ACOT1: variants seen among roughly 807,000 people sequenced by gnomAD.
The protein encoded by ACOT1 is acyl-coenzyme A thioesterase 1.
ACOT1 carries 8 observed loss-of-function variants against 15.7 expected under a neutral mutation model. The ratio of observed to expected loss-of-function variants is 0.51; its 90% confidence interval spans 0.30 to 0.92. ACOT1 has a LOEUF of 0.92. ACOT1 is among the 40% of genes least tolerant of loss of function. The probability of loss-of-function intolerance (pLI) is 0.06; values close to 1 mark genes in which losing one functional copy is unlikely to be tolerated. For synonymous variants in ACOT1, 67 were observed against 241.2 expected, an observed-to-expected ratio of 0.28 and a Z score of 6.69; for missense variants, 151 against 539.4, an observed-to-expected ratio of 0.28 and a Z score of 7.13.
At chr14:73,511,596 T>C in the ACOT1 span, among the ~76,000 whole-genome samples, 4 of 151,032 alleles carry the variant, frequency 2.6e-5, no homozygotes, top group Non-Finnish European at 5.9e-5. Flanking sequence ...GGCTCTTGGC[T>C]GGGCACAGTG....
the ACOT1 span, chr14:73,503,036 G>A: frequency 2.0e-6 from 3 of 1,517,632 alleles, no homozygotes; most frequent in East Asian, 2.2e-5. Context: ...ATGATCATTA[G>A]GTATCATCAC....
the ACOT1 span, chr14:73,499,230 C>T: frequency 3.2e-5 from 37 of 1,161,488 alleles, no homozygotes; most frequent in Non-Finnish European, 4.7e-5. Context: ...CCTGTAATCC[C>T]AGCATTTTGG....
chr14:73,492,083 C>G, the ACOT1 span: 1 of 1,613,960 alleles, frequency 6.2e-7, no homozygotes, highest in Middle Eastern at 1.6e-4. This position sits in a 1 kb window ranked among gnomAD's most constrained non-coding sequence, Gnocchi z 4.9. Context: ...AGGTAGGAAA[C>G]TCTGGCGTGT....
chr14:73,542,538 G>A lies in ACOT1; in HGVS notation c.661-512G>A, dbSNP rs1462166498. 1.9e-5 allele frequency among the ~76,000 whole-genome samples: 2 copies of A among 105,248 alleles called. 1 individual carries two copies. The highest frequency in any genetic ancestry group is 6.5e-5 in the African/African-American group (2 of 30,738). The allele number at this position is 105,248 out of a possible 152,430, so 69.0% of individuals were successfully genotyped here. On this transcript the variant is annotated intron_variant, in intron 2 of 2. Transcript: ENST00000311148. ...TCCTGCCTCGGCCTCCTGAGTAGCT[G>A]GGACTACAGGCGCATGCCACTTCTG...
chr14:73,531,565 C>T, the ACOT1 span, among the ~76,000 whole-genome samples: 10 of 108,420 alleles, frequency 9.2e-5, 3 homozygotes, highest in East Asian at 7.8e-4. Flanking sequence ...CACACCACCA[C>T]GCCCCACTAA....
chr14:73,491,571 T>C, the ACOT1 span: 1 of 1,541,900 alleles, frequency 6.5e-7, no homozygotes, highest in Non-Finnish European at 8.7e-7. Context: ...GACTCCCCGC[T>C]GCGGCGCGTC....
the ACOT1 span, chr14:73,518,942 G>T: frequency 7.1e-7 from 1 of 1,409,484 alleles, no homozygotes; most frequent in Non-Finnish European, 9.7e-7. Context: ...GGGAGCTCTA[G>T]CACATGAATA....
chr14:73,505,177 A>C, the ACOT1 span, among the ~76,000 whole-genome samples: 1 of 152,094 alleles, frequency 6.6e-6, no homozygotes, highest in Admixed American at 6.6e-5. Context: ...TCAGCCTCCC[A>C]AGGTGCTGGG....
At chr14:73,492,995 C>G in the ACOT1 span, 1 of 1,516,088 alleles carries the variant, frequency 6.6e-7, no homozygotes, top group Non-Finnish European at 8.8e-7. This position sits in a 1 kb window ranked among gnomAD's most constrained non-coding sequence, Gnocchi z 4.9. Flanking sequence ...GCTGCCACTG[C>G]TACCTTTTTT....
At chr14:73,494,633 C>T in the ACOT1 span, among the ~76,000 whole-genome samples, 6 of 152,156 alleles carry the variant, frequency 3.9e-5, no homozygotes, top group African/African-American at 7.2e-5. Flanking sequence ...TTACTGCAGC[C>T]TCAACCTCCT....
At chr14:73,501,149 C>T in the ACOT1 span, among the ~76,000 whole-genome samples, 34 of 152,066 alleles carry the variant, frequency 2.2e-4, no homozygotes, top group African/African-American at 2.7e-4. Flanking sequence ...GATGGAGTCT[C>T]GCTCTGTTGC....
chr14:73,508,933 C>T, the ACOT1 span, among the ~76,000 whole-genome samples: 5 of 151,876 alleles, frequency 3.3e-5, no homozygotes, highest in Admixed American at 3.3e-4. Context: ...GCAGCTTCAA[C>T]CCCCTGGGCT....
the ACOT1 span, among the ~76,000 whole-genome samples, chr14:73,506,804 G>GTTTTTTTTTTGTTTGT: frequency 1.4e-4 from 11 of 80,492 alleles, no homozygotes; most frequent in South Asian, 7.8e-4. Flanking sequence ...GACTTTAACT[G>GTTTTTTTTTTGTTTGT]TTTTTTTTTT....
the ACOT1 span, chr14:73,509,556 G>A: frequency 1.4e-6 from 2 of 1,404,748 alleles, no homozygotes; most frequent in Admixed American, 1.8e-5. Flanking sequence ...CCATGTGGTG[G>A]CCAACCTCAG....
At chr14:73,523,220 G>A in the ACOT1 span, 34 of 1,447,690 alleles carry the variant, frequency 2.3e-5, no homozygotes, top group Non-Finnish European at 3.0e-5. Flanking sequence ...GATGAGACCT[G>A]GCACCTGTTA....
At chr14:73,505,392 TG>T in the ACOT1 span, among the ~76,000 whole-genome samples, 11 of 143,676 alleles carry the variant, frequency 7.7e-5, no homozygotes, top group Middle Eastern at 3.4e-3. Context: ...TTTTTTGTTT[TG>T]TTTTTTTTTG....
At chr14:73,536,431 C>T (rs926176381), upstream of ACOT1, among the ~76,000 whole-genome samples, 1 of 106,492 alleles carries the variant, frequency 9.4e-6, no homozygotes, top group African/African-American at 3.1e-5. Context: ...TGGCTTTAGC[C>T]CAGGAGTTTG....
chr14:73,523,234 G>C, the ACOT1 span: 1 of 1,356,548 alleles, frequency 7.4e-7, no homozygotes, highest in East Asian at 2.5e-5. Context: ...CCTGTTAAGG[G>C]AATGGGAGGA....
the ACOT1 span, chr14:73,523,092 G>T: frequency 1.2e-6 from 2 of 1,611,508 alleles, no homozygotes; most frequent in Non-Finnish European, 1.7e-6. Flanking sequence ...CCCAGTCGTG[G>T]GGGCAGTGAC....
Sources: gnomAD v4.1 joint callset for allele counts (sites outside exome capture counted in the v4.1 genomes callset) on GRCh38, gnomAD v4.1.1 for gene constraint, Gnocchi (gnomAD v3.1) non-coding constraint, MANE v1.5 for transcripts, NCBI Gene and HGNC (gene_info 2026-07-23, HGNC 2026-07-21) for gene names.